Variants in UST observed in about 807,000 individuals in gnomAD.
UST encodes chondroitin sulfate 2-O-sulfotransferase.
Under a neutral mutation model 45.6 loss-of-function variants are expected in UST, and 21 were observed. That is an observed-to-expected ratio of 0.46 (90% CI 0.33 to 0.66). The LOEUF is 0.66. Among genes scored for constraint, UST ranks in the 30% least tolerant of loss-of-function variants. The pLI, the probability that UST is intolerant of heterozygous loss-of-function variation, is 0.02. For missense variants in UST, 463 were observed against 512.4 expected (o/e 0.90, Z 0.93); for synonymous variants, 215 against 200.6 (o/e 1.07, Z -0.61).
intron 1 of UST, among the ~76,000 whole-genome samples, chr6:148,831,731 G>T (rs888566629): frequency 6.6e-6 from 1 of 152,110 alleles, no homozygotes; most frequent in African/African-American, 2.4e-5. Context: ...GGAGTTTAAG[G>T]CTGCAGAGAG....
chr6:148,809,422 C>T (rs866674768), intron 1 of UST, among the ~76,000 whole-genome samples: 11 of 151,760 alleles, frequency 7.2e-5, no homozygotes, highest in Admixed American at 1.3e-4. Context: ...CTCAGAGGTG[C>T]GTGTCACCCT....
chr6:148,966,317 G>T (rs1228944727), intron 5 of UST, among the ~76,000 whole-genome samples: 2 of 152,074 alleles, frequency 1.3e-5, no homozygotes, highest in African/African-American at 2.4e-5. Flanking sequence ...TGTATTCAGA[G>T]TATAGAAACA....
At chr6:149,019,081 A>G (rs1418932251) in intron 5 of UST, 58 bp from the exon 6 acceptor site, 1 of 1,282,992 alleles carries the variant, frequency 7.8e-7, no homozygotes, top group Non-Finnish European at 1.1e-6. Flanking sequence ...ACTGTGTGGC[A>G]TTTGATAGAG....
chr6:148,848,111 C>A (rs1354977407), intron 1 of UST, among the ~76,000 whole-genome samples: 2 of 152,182 alleles, frequency 1.3e-5, no homozygotes, highest in Non-Finnish European at 2.9e-5. Flanking sequence ...TAACTTGTCA[C>A]ACCTGTTGGG....
At chr6:149,032,137 G>A (rs1047896802) in intron 7 of UST, among the ~76,000 whole-genome samples, 4 of 152,148 alleles carry the variant, frequency 2.6e-5, no homozygotes, top group Admixed American at 6.5e-5. Context: ...TTTCTGTGGC[G>A]CAACCTGGCA....
chr6:149,006,334 G>A (rs551717216), intron 5 of UST, among the ~76,000 whole-genome samples: 8 of 152,078 alleles, frequency 5.3e-5, no homozygotes, highest in Non-Finnish European at 1.0e-4. Flanking sequence ...AGAACATGTA[G>A]TGTTTGGTTT....
intron 5 of UST, among the ~76,000 whole-genome samples, chr6:148,981,766 T>C (rs952092674): frequency 4.6e-5 from 7 of 152,242 alleles, no homozygotes; most frequent in African/African-American, 1.7e-4. Context: ...TAAATGTGCA[T>C]ATCTGTATTT....
intron 7 of UST, among the ~76,000 whole-genome samples, chr6:149,049,923 T>TCACACACACACACACACACACA (rs1165179256): frequency 1.9e-5 from 2 of 102,884 alleles, no homozygotes; most frequent in African/African-American, 6.9e-5. Context: ...TCTCTCTCTC[T>TCACACACACACACACACACACA]CTCTCTCTCA....
At chr6:149,008,343 A>G (rs1775749401) in intron 5 of UST, among the ~76,000 whole-genome samples, 1 of 152,100 alleles carries the variant, frequency 6.6e-6, no homozygotes, top group South Asian at 2.1e-4. Flanking sequence ...CTTTGCATTG[A>G]TTTTATTTCC....
In UST at chr6:148,853,436, C is replaced by A. The variant is rs190710010; in HGVS notation, c.248-33550C>A. 3.4e-3 allele frequency among the ~76,000 whole-genome samples: 523 copies of A among 152,244 alleles called. 2 individuals are homozygous for A. Among genetic ancestry groups the A allele is most frequent in the Non-Finnish European group, 3.9e-3 (262 of 68,014 alleles). On this transcript the variant is annotated intron_variant, in intron 1 of 7. Coordinates refer to ENST00000367463, the MANE Select transcript of UST (RefSeq NM_005715.3). ...GCCATGAATATACATATACAGATAT[C>A]TTTATAATAGAATGACTTATATTCC...
chr6:148,896,870 C>T (rs1272008963), intron 2 of UST, among the ~76,000 whole-genome samples: 1 of 152,096 alleles, frequency 6.6e-6, no homozygotes, highest in Non-Finnish European at 1.5e-5. Flanking sequence ...ACTAGTTACC[C>T]TAGGTACTCT....
chr6:149,042,137 T>C (rs1203036752), intron 7 of UST, among the ~76,000 whole-genome samples: 1 of 152,250 alleles, frequency 6.6e-6, no homozygotes, highest in African/African-American at 2.4e-5. Flanking sequence ...GGCACTTTTA[T>C]TATTCCCATT....
At chr6:148,814,493 C>T (rs1777319886) in intron 1 of UST, among the ~76,000 whole-genome samples, 1 of 152,016 alleles carries the variant, frequency 6.6e-6, no homozygotes, top group Non-Finnish European at 1.5e-5. Flanking sequence ...AAAAAAAAAT[C>T]ATGCCAAGAG....
At chr6:148,978,153 A>G (rs1459008855) in intron 5 of UST, among the ~76,000 whole-genome samples, 1 of 152,200 alleles carries the variant, frequency 6.6e-6, no homozygotes, top group African/African-American at 2.4e-5. Flanking sequence ...TCAGTTTACC[A>G]GATAAAATTA....
chr6:148,945,511 G>C (rs1359016762), intron 3 of UST, among the ~76,000 whole-genome samples: 1 of 152,158 alleles, frequency 6.6e-6, no homozygotes, highest in African/African-American at 2.4e-5. Flanking sequence ...TGCAGCCAGG[G>C]TTAAGAAGCT....
At chr6:148,930,230 C>G (rs898922397) in intron 2 of UST, among the ~76,000 whole-genome samples, 6 of 152,194 alleles carry the variant, frequency 3.9e-5, no homozygotes, top group African/African-American at 1.4e-4. Context: ...GCGTTCAATT[C>G]CCTTGTTAGA....
chr6:148,972,372 G>T (rs12197795), intron 5 of UST, among the ~76,000 whole-genome samples: 47,386 of 152,038 alleles, frequency 0.31, 8,005 homozygotes, highest in Non-Finnish European at 0.38. Context: ...TGTTCCAAGT[G>T]AAGTGACACT....
chr6:149,074,192 G>A lies in UST; in HGVS notation c.*76G>A. ...TGTTTGGGGAAGTAAAATCCTTAAG[G>A]GACTAAATTAATGCTTGGGTGCATT... On this transcript the variant is annotated 3_prime_UTR_variant, in exon 8 of 8. Coordinates refer to ENST00000367463, the MANE Select transcript of UST (RefSeq NM_005715.3). 1 of 1,498,320 alleles carries A rather than the reference G, an allele frequency of 6.7e-7. No homozygotes were observed. Among genetic ancestry groups the A allele is most frequent in the Non-Finnish European group, 9.1e-7 (1 of 1,100,754 alleles). 92.8% of individuals were successfully genotyped at this position (1,498,320 alleles called of 1,614,324 possible).
intron 7 of UST, among the ~76,000 whole-genome samples, chr6:149,048,126 C>T (rs34118116): frequency 0.32 from 47,831 of 147,994 alleles, 7,952 homozygotes; most frequent in Non-Finnish European, 0.36. Context: ...CTAAAGAGTT[C>T]ATTTTTTTTT....
Sources: allele counts gnomAD v4.1 joint callset (sites outside exome capture counted in the v4.1 genomes callset), GRCh38; gene constraint gnomAD v4.1.1; transcripts MANE v1.5; gene names NCBI Gene and HGNC (gene_info 2026-07-23, HGNC 2026-07-21).